PPP1R9A: variants seen among roughly 807,000 people sequenced by gnomAD.
The protein encoded by PPP1R9A is neurabin-1.
Under a neutral mutation model 141.9 loss-of-function variants are expected in PPP1R9A, and 59 were observed. That is an observed-to-expected ratio of 0.42 (90% CI 0.34 to 0.52). The LOEUF (loss-of-function observed/expected upper bound fraction) is 0.52. Among genes scored for constraint, PPP1R9A ranks in the 20% least tolerant of loss-of-function variants. PPP1R9A has a pLI of 0.10. For synonymous variants in PPP1R9A, 500 were observed against 569.7 expected (o/e 0.88, Z 1.74); for missense variants, 1,444 against 1,611.9 (o/e 0.90, Z 1.78).
At chr7:94,998,125 GTTGT>G (rs1294902237) in intron 2 of PPP1R9A, among the ~76,000 whole-genome samples, 3 of 152,098 alleles carry the variant, frequency 2.0e-5, no homozygotes, top group Non-Finnish European at 4.4e-5. Flanking sequence ...ATAACCTGAG[GTTGT>G]TTATTTTTCT....
At chr7:94,942,020 G>T (rs2204630) in intron 2 of PPP1R9A, among the ~76,000 whole-genome samples, 63,119 of 151,530 alleles carry the variant, frequency 0.42, 13,940 homozygotes, top group South Asian at 0.58. Context: ...ATATATGAAG[G>T]GCCCGGTTTT....
Position 95,142,383 on chromosome 7 carries a change from TG to T in PPP1R9A, c.1650-19483del. ...GAAGTTCAATTCATCTAGTTTTTTT[TG>T]TCACTTATACTTTGATCTCATATCC... On this transcript the variant is annotated intron_variant, in intron 4 of 19. Coordinates refer to ENST00000433360, the MANE Select transcript of PPP1R9A (RefSeq NM_001166160.2). Among the ~76,000 whole-genome samples, 2 of 152,220 alleles carry T rather than the reference TG, an allele frequency of 1.3e-5. 1 individual carries two copies. The highest frequency in any genetic ancestry group is 1.3e-4 in the Admixed American group (2 of 15,284).
intron 5 of PPP1R9A, among the ~76,000 whole-genome samples, chr7:95,182,429 T>C (rs567213454): frequency 6.6e-6 from 1 of 152,370 alleles, no homozygotes; most frequent in African/African-American, 2.4e-5. Context: ...GTGTAATTTC[T>C]ATACATGGAA....
intron 5 of PPP1R9A, among the ~76,000 whole-genome samples, chr7:95,171,840 T>C (rs1341121406): frequency 6.6e-6 from 1 of 151,664 alleles, no homozygotes; most frequent in African/African-American, 2.4e-5. Context: ...TATGATAGTA[T>C]AATTTTTAAA....
chr7:94,925,223 G>A (rs1793326683), intron 2 of PPP1R9A, among the ~76,000 whole-genome samples: 1 of 152,016 alleles, frequency 6.6e-6, no homozygotes, highest in South Asian at 2.1e-4. Flanking sequence ...TGCTTGTGGG[G>A]GAGTCAGTCT....
intron 7 of PPP1R9A, among the ~76,000 whole-genome samples, chr7:95,221,983 C>T (rs1189735858): frequency 6.6e-6 from 1 of 151,978 alleles, no homozygotes; most frequent in African/African-American, 2.4e-5. Context: ...TGTGTGTGTT[C>T]GTTTGTTTGT....
intron 2 of PPP1R9A, among the ~76,000 whole-genome samples, chr7:95,057,484 C>T (rs527953879): frequency 2.6e-4 from 39 of 152,102 alleles, no homozygotes; most frequent in African/African-American, 9.2e-4. Flanking sequence ...ATCTCTAGAA[C>T]GGTTTAAAAG....
intron 12 of PPP1R9A, among the ~76,000 whole-genome samples, chr7:95,256,624 G>C (rs1799621928): frequency 6.6e-6 from 1 of 151,868 alleles, no homozygotes; most frequent in South Asian, 2.1e-4. Context: ...TTGTCCTAGA[G>C]GTCCTAGTAA....
At chr7:95,048,603 C>T (rs1169837206) in intron 2 of PPP1R9A, among the ~76,000 whole-genome samples, 3 of 151,798 alleles carry the variant, frequency 2.0e-5, no homozygotes, top group African/African-American at 2.4e-5. Context: ...AGTGCAGTGG[C>T]GCGATCTTGG....
chr7:95,290,010 A>G, intron 19 of PPP1R9A, 81 bp from the exon 20 acceptor site: 1 of 1,556,750 alleles, frequency 6.4e-7, no homozygotes, highest in Non-Finnish European at 8.6e-7. Flanking sequence ...TTAGTTTACG[A>G]ACTTGGATAT....
chr7:95,093,509 G>A (rs767134103), intron 2 of PPP1R9A, among the ~76,000 whole-genome samples: 164 of 151,972 alleles, frequency 1.1e-3, no homozygotes, highest in Admixed American at 2.0e-3. Context: ...TTTTATTTTA[G>A]CATTTCAAAA....
At chr7:95,066,197 C>T (rs1584505725) in intron 2 of PPP1R9A, among the ~76,000 whole-genome samples, 1 of 152,152 alleles carries the variant, frequency 6.6e-6, no homozygotes, top group East Asian at 1.9e-4. Context: ...GGTATTTGCA[C>T]AGAGGAAACA....
intron 4 of PPP1R9A, among the ~76,000 whole-genome samples, chr7:95,141,140 G>T (rs1047385905): frequency 1.6e-4 from 24 of 152,118 alleles, no homozygotes; most frequent in African/African-American, 5.6e-4. Context: ...AGGGTGAGGT[G>T]AAGTCAGATA....
At chr7:95,168,460 A>C (rs890386385) in intron 5 of PPP1R9A, among the ~76,000 whole-genome samples, 7 of 152,040 alleles carry the variant, frequency 4.6e-5, no homozygotes, top group African/African-American at 1.7e-4. Flanking sequence ...GCATAGAGGA[A>C]ACACTTCAGG....
chr7:95,017,367 T>C (rs1006702009), intron 2 of PPP1R9A, among the ~76,000 whole-genome samples: 1 of 152,160 alleles, frequency 6.6e-6, no homozygotes, highest in African/African-American at 2.4e-5. Context: ...ATAAAACAAC[T>C]ACTAGAACTA....
Position 95,016,836 on chromosome 7 carries a change from T to G in PPP1R9A, c.1396-94423T>G, listed in dbSNP as rs1283326445. On this transcript the variant is annotated intron_variant, in intron 2 of 19. Coordinates refer to ENST00000433360, the MANE Select transcript of PPP1R9A (RefSeq NM_001166160.2). ...TTGTAATAAGGTATGTGTTATGGAT[T>G]GAATCGTGTACCTCAAGAAGTTATG... Among the ~76,000 whole-genome samples, 5 of 152,310 alleles carry G rather than the reference T, an allele frequency of 3.3e-5. No homozygotes were observed. In the East Asian group the frequency reaches 9.7e-4, roughly 29 times the overall value.
chr7:95,106,395 T>A (rs2152423915), intron 2 of PPP1R9A, among the ~76,000 whole-genome samples: 1 of 152,284 alleles, frequency 6.6e-6, no homozygotes, highest in South Asian at 2.1e-4. Flanking sequence ...ACCATACCAA[T>A]TGGGGATCGT....
At chr7:95,235,997 G>C (rs1452881166) in intron 8 of PPP1R9A, among the ~76,000 whole-genome samples, 3 of 152,118 alleles carry the variant, frequency 2.0e-5, no homozygotes, top group Admixed American at 6.6e-5. Context: ...CAAGTGAAAA[G>C]GTGGGGTGGC....
At chr7:95,138,514 A>T (rs1353685029) in intron 4 of PPP1R9A, among the ~76,000 whole-genome samples, 1 of 152,200 alleles carries the variant, frequency 6.6e-6, no homozygotes, top group Non-Finnish European at 1.5e-5. Context: ...GAAAGAAAAA[A>T]CTGAGAAATT....
Sources: allele counts gnomAD v4.1 joint callset (sites outside exome capture counted in the v4.1 genomes callset), GRCh38; gene constraint gnomAD v4.1.1; transcripts MANE v1.5; gene names NCBI Gene and HGNC (gene_info 2026-07-23, HGNC 2026-07-21).